Variants in KAZN observed in about 807,000 individuals in gnomAD.
The protein encoded by KAZN is kazrin.
KAZN carries 40 observed loss-of-function variants against 87.4 expected under a neutral mutation model. The observed-to-expected ratio is 0.46, with a 90% confidence interval of 0.36 to 0.60. The LOEUF (loss-of-function observed/expected upper bound fraction) is 0.60. Among genes scored for constraint, KAZN ranks in the 20% least tolerant of loss-of-function variants. KAZN has a pLI of 0.00. For missense variants in KAZN, 898 were observed against 1,073.9 expected (o/e 0.84, Z 2.29); for synonymous variants, 466 against 458.3 (o/e 1.02, Z -0.22).
At chr1:14,816,069 T>C (rs1646554087) in intron 1 of KAZN, among the ~76,000 whole-genome samples, 1 of 151,980 alleles carries the variant, frequency 6.6e-6, no homozygotes, top group African/African-American at 2.4e-5. Flanking sequence ...CCAGCTTCTG[T>C]TGGGGTTTGA....
chr1:14,992,020 G>T (rs1025084856), intron 2 of KAZN, among the ~76,000 whole-genome samples: 2 of 152,188 alleles, frequency 1.3e-5, no homozygotes, highest in African/African-American at 4.8e-5. Flanking sequence ...CTCTTTGCCT[G>T]GTGTCTGTGG....
At chr1:15,045,049 G>A (rs182519085) in intron 4 of KAZN, among the ~76,000 whole-genome samples, 1 of 152,206 alleles carries the variant, frequency 6.6e-6, no homozygotes, top group Non-Finnish European at 1.5e-5. Context: ...GGTCGGGAGA[G>A]AGAGCCCTGG....
At chr1:14,767,734 G>A (rs72636652) in intron 1 of KAZN, among the ~76,000 whole-genome samples, 163 of 152,222 alleles carry the variant, frequency 1.1e-3, no homozygotes, top group Non-Finnish European at 2.0e-3. Context: ...TGGTCCCTGC[G>A]GCCTGCAGCC....
intron 4 of KAZN, among the ~76,000 whole-genome samples, chr1:15,051,482 CCCTGGTGTGAATTACT>C: frequency 6.6e-6 from 1 of 152,350 alleles, no homozygotes; most frequent in South Asian, 2.1e-4. Context: ...GGATCCTTGA[CCCTGGTGTGAATTACT>C]CCTCACATCA....
At chr1:14,969,603 A>G in intron 2 of KAZN, among the ~76,000 whole-genome samples, 1 of 152,218 alleles carries the variant, frequency 6.6e-6, no homozygotes, top group East Asian at 1.9e-4. Flanking sequence ...TATTGTTAAC[A>G]GATCCCCCTT....
At chr1:15,049,753 G>A (rs1322112270) in intron 4 of KAZN, among the ~76,000 whole-genome samples, 1 of 152,138 alleles carries the variant, frequency 6.6e-6, no homozygotes, top group Non-Finnish European at 1.5e-5. Context: ...GCCAGGTGTG[G>A]TGGCACACAC....
At chr1:14,013,435 C>T (rs1371377924) in intron 1 of KAZN, among the ~76,000 whole-genome samples, 3 of 151,960 alleles carry the variant, frequency 2.0e-5, no homozygotes, top group Admixed American at 6.6e-5. Context: ...TTTTTTTAAC[C>T]CCAAAATGAC....
intron 2 of KAZN, among the ~76,000 whole-genome samples, chr1:14,313,251 T>C (rs1441699972): frequency 1.3e-5 from 2 of 152,112 alleles, no homozygotes; most frequent in Non-Finnish European, 2.9e-5. Flanking sequence ...GGTTATCTCT[T>C]GACATCTAAC....
chr1:14,335,149 CTG>C (rs1215806248), intron 2 of KAZN, among the ~76,000 whole-genome samples: 1 of 150,338 alleles, frequency 6.7e-6, no homozygotes, highest in Non-Finnish European at 1.5e-5. Flanking sequence ...AGTTCTTGCT[CTG>C]TGAGTTCACA....
chr1:14,723,702 G>A (rs1207849368), intron 1 of KAZN, among the ~76,000 whole-genome samples: 7 of 152,188 alleles, frequency 4.6e-5, no homozygotes, highest in South Asian at 2.1e-4. Flanking sequence ...AACATCAGTG[G>A]GGTGGAAGTG....
At position 14,184,155 on chromosome 1, in the gene KAZN, C is replaced by T. The variant is rs553909406; in HGVS notation, c.249+3563C>T. 6.6e-6 allele frequency among the ~76,000 whole-genome samples: 1 copy of T among 152,084 alleles called. No individual in the cohort carries two copies. Among genetic ancestry groups the T allele is most frequent in the Non-Finnish European group, 1.5e-5 (1 of 67,984 alleles). ...CGGAAAAGACCTGAAATTTGCTTTA[C>T]TCTTCAAACTCTCCGTTTTTCCTTC... On this transcript the variant is annotated intron_variant, in intron 2 of 16. Transcript: ENST00000636203. The surrounding 1 kb of genome is among the most constrained non-coding windows in gnomAD (Gnocchi z 4.2).
At chr1:14,457,461 T>G (rs1440972479) in intron 2 of KAZN, among the ~76,000 whole-genome samples, 2 of 152,224 alleles carry the variant, frequency 1.3e-5, no homozygotes, top group African/African-American at 4.8e-5. Flanking sequence ...ACAAATTTCT[T>G]CTTTCTGTCA....
At chr1:14,168,290 A>G (rs1645875427) in intron 1 of KAZN, among the ~76,000 whole-genome samples, 2 of 152,150 alleles carry the variant, frequency 1.3e-5, no homozygotes, top group Admixed American at 6.5e-5. Context: ...GGAACCTACA[A>G]ATAAAGAAAA....
At chr1:14,324,043 G>A (rs182652391) in intron 2 of KAZN, among the ~76,000 whole-genome samples, 2 of 152,238 alleles carry the variant, frequency 1.3e-5, no homozygotes, top group Admixed American at 1.3e-4. Flanking sequence ...GCCAAATGCA[G>A]CCCACAGCAA....
At chr1:14,003,784 A>G (rs942248972) in intron 1 of KAZN, among the ~76,000 whole-genome samples, 1 of 152,206 alleles carries the variant, frequency 6.6e-6, no homozygotes. Context: ...AAGAAAATGT[A>G]GGAGAGCAGA....
intron 2 of KAZN, among the ~76,000 whole-genome samples, chr1:14,532,122 G>A (rs867104356): frequency 6.6e-6 from 1 of 152,042 alleles, no homozygotes; most frequent in Non-Finnish European, 1.5e-5. Flanking sequence ...GACTGTTGTG[G>A]GCATGACAGC....
intron 4 of KAZN, among the ~76,000 whole-genome samples, chr1:15,047,878 T>C (rs1673753932): frequency 1.3e-5 from 2 of 152,194 alleles, no homozygotes; most frequent in Admixed American, 6.5e-5. Flanking sequence ...TTTTGTCTTC[T>C]GATGAAATCT....
chr1:14,449,016 T>C (rs1309985931), intron 2 of KAZN, among the ~76,000 whole-genome samples: 6 of 152,220 alleles, frequency 3.9e-5, no homozygotes, highest in African/African-American at 9.6e-5. Context: ...CTGATCTGCA[T>C]TGAAGACTTC....
intron 2 of KAZN, among the ~76,000 whole-genome samples, chr1:14,497,501 C>T (rs1456561601): frequency 6.6e-6 from 1 of 152,024 alleles, no homozygotes; most frequent in East Asian, 1.9e-4. Flanking sequence ...CTTGAGTTTC[C>T]ATTACTTCCA....
Sources: allele counts gnomAD v4.1 joint callset (sites outside exome capture counted in the v4.1 genomes callset), GRCh38; gene constraint gnomAD v4.1.1; non-coding constraint Gnocchi (gnomAD v3.1); transcripts MANE v1.5; gene names NCBI Gene and HGNC (gene_info 2026-07-23, HGNC 2026-07-21).